CCHCR1: variants seen among roughly 807,000 people sequenced by gnomAD.
The protein encoded by CCHCR1 is coiled-coil alpha-helical rod protein 1, also known as HCR (a-helix coiled-coil rod homologue).
In CCHCR1, 91 loss-of-function variants were observed where a neutral mutation model predicts 114.6. The observed-to-expected ratio is 0.79, with a 90% CI of 0.67 to 0.94. The LOEUF (loss-of-function observed/expected upper bound fraction) is 0.94. Among genes scored for constraint, CCHCR1 ranks in the 40% least tolerant of loss-of-function variants. CCHCR1 has a pLI of 0.00. For synonymous variants in CCHCR1, 379 were observed against 428.5 expected, an observed-to-expected ratio of 0.88 and a Z score of 1.43; for missense variants, 899 against 1,079.9, an observed-to-expected ratio of 0.83 and a Z score of 2.35.
In CCHCR1 at chr6:31,144,966, G is replaced by A. The variant is rs147152245; in HGVS notation, c.1984C>T (p.Arg662Cys). 89 of 1,610,014 alleles carry A rather than the reference G, an allele frequency of 5.5e-5. No homozygotes were observed. The highest frequency in any genetic ancestry group is 1.1e-4 in the African/African-American group (8 of 75,024). The change falls in exon 14 of 18, where the codon CGC becomes TGC. Residue 662 changes from arginine to cysteine, a missense_variant. Coordinates refer to ENST00000396268, the MANE Select transcript of CCHCR1 (RefSeq NM_001105564.2). This position sits in a 1 kb window ranked among gnomAD's most constrained non-coding sequence, Gnocchi z 4.6. ...ASLGLQLEVA[R>C]QGQQESTEEA... ...TCTGTGCTCTCCTGCTGGCCCTGGCGTGCTACCTCCAGCTGCAGCCCCAAG... is the reference window on the plus strand; with the variant it reads ...TCTGTGCTCTCCTGCTGGCCCTGGCATGCTACCTCCAGCTGCAGCCCCAAG...
chr6:31,143,394 A>C lies in CCHCR1; in HGVS notation c.2187T>G (p.Ile729Met). 1.9e-6 allele frequency: 3 copies of C among 1,612,932 alleles called. No homozygotes were observed. The highest frequency in any genetic ancestry group is 2.5e-6 in the Non-Finnish European group (3 of 1,180,012). ...CCTTTTCCTGGGCGGCTCTGCGCTG[A>C]ATCTGGCGTAAGGAGACCACTACAG... ...HAKAVVSLRQ[I>M]QRRAAQEKER... Residue 729 changes from isoleucine to methionine, a missense_variant, in exon 16 of 18, where the codon ATT (isoleucine) becomes ATG (methionine). By Grantham distance (10) the Ile-to-Met change is conservative. Transcript: ENST00000396268. This position sits in a 1 kb window ranked among gnomAD's most constrained non-coding sequence, Gnocchi z 5.3.
chr6:31,148,363 G>T, intron 10 of CCHCR1, 42 bp downstream of exon 10: 1 of 1,258,606 alleles, frequency 7.9e-7, no homozygotes, highest in Non-Finnish European at 1.1e-6. Flanking sequence ...GGAACCTGAG[G>T]TGGCAGAAAC....
Position 31,150,644 on chromosome 6 carries a change from T to C in CCHCR1, c.1102-79A>G. 6.3e-7 allele frequency: 1 copy of C among 1,592,776 alleles called. No homozygotes were observed. Among genetic ancestry groups the C allele is most frequent in the Middle Eastern group, 1.7e-4 (1 of 5,980 alleles). On this transcript the variant is annotated intron_variant, in intron 6 of 17. Coordinates refer to ENST00000396268, the MANE Select transcript of CCHCR1 (RefSeq NM_001105564.2). This position sits in a 1 kb window ranked among gnomAD's most constrained non-coding sequence, Gnocchi z 5.3. ...CCACCTTCTCTCCCGGAGGCTGTGC[T>C]CTACACGCTCCTCCAAGGGCCACGC... is the stretch of plus-strand genomic sequence containing the variant.
chr6:31,150,558 T>C lies in CCHCR1; in HGVS notation c.1109A>G (p.Gln370Arg), dbSNP rs1775071413. ...GGCATGCAGGCTGTCCCGGTCCTCC[T>C]GCAAGTGCTGCGGGCAGAGGAAAGC... is the stretch of plus-strand genomic sequence containing the variant. ...QKLLETMQHL[Q>R]EDRDSLHATA... The change falls in exon 7 of 18, where the codon CAG (glutamine) becomes CGG (arginine). Residue 370 changes from glutamine (Q) to arginine (R), a missense_variant. Physicochemically the swap from Gln to Arg is conservative, Grantham distance 43. Coordinates refer to ENST00000396268, the MANE Select transcript of CCHCR1 (RefSeq NM_001105564.2). This position sits in a 1 kb window ranked among gnomAD's most constrained non-coding sequence, Gnocchi z 5.3. The C allele has an allele frequency of 6.2e-7, 1 of 1,611,204 alleles. No individual in the cohort carries two copies. The highest frequency in any genetic ancestry group is 8.5e-7 in the Non-Finnish European group (1 of 1,179,452).
chr6:31,145,592 G>T (rs911119953), intron 11 of CCHCR1, 99 bp from the exon 12 acceptor site: 28 of 1,445,498 alleles, frequency 1.9e-5, no homozygotes, highest in Middle Eastern at 3.5e-4. Flanking sequence ...CTGGTGAAAG[G>T]AGGAAGGTGA....
In CCHCR1 at chr6:31,150,095, T is replaced by C; in HGVS notation, c.1333A>G (p.Ser445Gly). Reference sequence around the variant, plus strand: ...CCCTTCAGCTGCTTAACAGAGTCACTGTGTTCCAGCTCCTGGGCCTTTAGC... The same window carrying C: ...CCCTTCAGCTGCTTAACAGAGTCACCGTGTTCCAGCTCCTGGGCCTTTAGC... The part of the protein sequence containing the change: ...VQLKAQELEH[S>G]DSVKQLKGQV... Residue 445 changes from serine to glycine, a missense_variant, in exon 8 of 18, where the codon AGT becomes GGT. Coordinates refer to ENST00000396268, the MANE Select transcript of CCHCR1 (RefSeq NM_001105564.2). The surrounding 1 kb of genome is among the most constrained non-coding windows in gnomAD (Gnocchi z 5.3). 1.2e-6 allele frequency: 2 copies of C among 1,614,196 alleles called. No homozygotes were observed. Among genetic ancestry groups the C allele is most frequent in the South Asian group, 2.2e-5 (2 of 91,086 alleles).
In CCHCR1 at chr6:31,154,697, C is replaced by T; in HGVS notation, c.600G>A (p.Leu200=). ...TCTTCTGCTGCAGCGAGGTCTCCCG[C>T]AGGAGCCGGACCTCCTCCTCCAGCC... is the stretch of plus-strand genomic sequence containing the variant. ...LRRLEEEVRL[L]RETSLQQKMR... Residue 200 remains leucine, a synonymous_variant, in exon 4 of 18, where the codon CTG becomes CTA. Coordinates refer to ENST00000396268, the MANE Select transcript of CCHCR1 (RefSeq NM_001105564.2). This position sits in a 1 kb window ranked among gnomAD's most constrained non-coding sequence, Gnocchi z 4.1. 1 of 1,610,180 alleles carries T rather than the reference C, an allele frequency of 6.2e-7. No individual in the cohort carries two copies. The highest frequency in any genetic ancestry group is 8.5e-7 in the Non-Finnish European group (1 of 1,179,946).
chr6:31,144,599 T>C lies in CCHCR1; in HGVS notation c.2167+88A>G, dbSNP rs938308480. The stretch of plus-strand genomic sequence containing the variant: ...CTTCATTACTTCCTGTAATGAAGCT[T>C]TGAACACACTTTGAGGGGAAAATAA... On this transcript the variant is annotated intron_variant, in intron 15 of 17. Coordinates refer to ENST00000396268, the MANE Select transcript of CCHCR1 (RefSeq NM_001105564.2). This position sits in a 1 kb window ranked among gnomAD's most constrained non-coding sequence, Gnocchi z 4.6. 46 of 834,736 alleles carry C rather than the reference T, an allele frequency of 5.5e-5. 2 individuals carry two copies. Among genetic ancestry groups the C allele is most frequent in the South Asian group, 1.9e-4 (12 of 61,900 alleles). The allele number at this position is 834,736 out of a possible 1,614,324, so 51.7% of individuals were successfully genotyped here. A position where few individuals can be genotyped will look rare whatever the true frequency, so the allele number is the denominator to read the frequency against.
At position 31,156,811 on chromosome 6, in the gene CCHCR1, C is replaced by T; in HGVS notation, c.417G>A (p.Arg139=). ...TCACTTGAGGTCTCTGGGTGTCTAG[C>T]CGCCTCTCTGAGACATCTTGATGGC... ...PPGHQDVSER[R]LDTQRPQVTM... The change falls in exon 3 of 18, where the codon CGG becomes CGA. Residue 139 remains arginine (R), a synonymous_variant. Coordinates refer to ENST00000396268, the MANE Select transcript of CCHCR1 (RefSeq NM_001105564.2). 1 of 1,612,884 alleles carries T rather than the reference C, an allele frequency of 6.2e-7. No individual in the cohort carries two copies. Among genetic ancestry groups the T allele is most frequent in the Non-Finnish European group, 8.5e-7 (1 of 1,179,994 alleles).
chr6:31,142,732 G>C lies in CCHCR1; in HGVS notation c.2492-16C>G, dbSNP rs1176200617. 6.2e-7 allele frequency: 1 copy of C among 1,600,882 alleles called. No homozygotes were observed. The highest frequency in any genetic ancestry group is 8.5e-7 in the Non-Finnish European group (1 of 1,173,218). ...GAGAGGGACCCTGGGAAGGAAGACA[G>C]CAGATGAGCACCAGACAAGGGAAGG... On this transcript the variant is annotated splice_polypyrimidine_tract_variant and intron_variant, in intron 17 of 17. Coordinates refer to ENST00000396268, the MANE Select transcript of CCHCR1 (RefSeq NM_001105564.2).
intron 10 of CCHCR1, 75 bp downstream of exon 10, chr6:31,148,330 G>A (rs1774641844): frequency 3.3e-6 from 3 of 913,670 alleles, no homozygotes; most frequent in South Asian, 1.5e-5. Flanking sequence ...CTTGCCTGAG[G>A]ATCCTCAGCA....
Position 31,144,951 on chromosome 6 carries a change from C to A in CCHCR1, c.1999G>T (p.Glu667Ter). ...AGACTGGCAGCCTCCTCTGTGCTCT[C>A]CTGCTGGCCCTGGCGTGCTACCTCC... ...QLEVARQGQQ[E>*]STEEAASLRQ... is the part of the protein sequence containing the mutation. Residue 667 changes from glutamate (E) to a stop codon, truncating the protein, a stop_gained, in exon 14 of 18, where the codon GAG becomes TAG. Coordinates refer to ENST00000396268, the MANE Select transcript of CCHCR1 (RefSeq NM_001105564.2). LOFTEE classifies it high-confidence loss of function. This position sits in a 1 kb window ranked among gnomAD's most constrained non-coding sequence, Gnocchi z 4.6. 6.2e-7 allele frequency: 1 copy of A among 1,611,576 alleles called. No homozygotes were observed. Among genetic ancestry groups the A allele is most frequent in the Non-Finnish European group, 8.5e-7 (1 of 1,179,968 alleles).
intron 4 of CCHCR1, among the ~76,000 whole-genome samples, chr6:31,153,781 T>C (rs1402339639): frequency 1.3e-5 from 2 of 152,144 alleles, no homozygotes; most frequent in East Asian, 3.9e-4. Context: ...GGTTTCGCCA[T>C]GTTGGCCAGG....
chr6:31,156,675 G>T, intron 3 of CCHCR1, 56 bp downstream of exon 3: 1 of 1,462,180 alleles, frequency 6.8e-7, no homozygotes, highest in Non-Finnish European at 9.4e-7. Flanking sequence ...GTTTATTCCA[G>T]TGAGGAAGGG....
Position 31,145,747 on chromosome 6 carries a change from TG to T in CCHCR1, c.1641del (p.Ser548AlafsTer19). On this transcript the variant is annotated frameshift_variant, in exon 11 of 18. Coordinates refer to ENST00000396268, the MANE Select transcript of CCHCR1 (RefSeq NM_001105564.2). LOFTEE classifies it high-confidence loss of function. ...AKVEGAAAQL[P>X]SLNNRLSYAV... Reference sequence around the variant, plus strand: ...GCATAGCTGAGTCGGTTGTTGAGGCTGGGAAGCTGGGCGGCAGCCCCTTCCA... The same window carrying T: ...GCATAGCTGAGTCGGTTGTTGAGGCTGGAAGCTGGGCGGCAGCCCCTTCCA... 6.2e-7 allele frequency: 1 copy of T among 1,613,358 alleles called. No individual in the cohort carries two copies. The highest frequency in any genetic ancestry group is 8.5e-7 in the Non-Finnish European group (1 of 1,180,008).
rs1036710763 is a variant in CCHCR1 at position 31,156,822 on chromosome 6, A to G, written c.406T>C (p.Ser136Pro). ...CTCTGGGTGTCTAGCCGCCTCTCTG[A>G]GACATCTTGATGGCCTGGGGGTTGG... ...LVQPPGHQDV[S>P]ERRLDTQRPQ... is the part of the protein sequence containing the mutation. Residue 136 changes from serine (S) to proline (P), a missense_variant, in exon 3 of 18, where the codon TCA (serine) becomes CCA (proline). Physicochemically the swap from Ser to Pro is moderately conservative, Grantham distance 74 (BLOSUM62 -1). Coordinates refer to ENST00000396268, the MANE Select transcript of CCHCR1 (RefSeq NM_001105564.2). The G allele has an allele frequency of 6.2e-7, 1 of 1,612,680 alleles. No individual in the cohort carries two copies. Among genetic ancestry groups the G allele is most frequent in the African/African-American group, 1.3e-5 (1 of 74,858 alleles).
upstream of CCHCR1, chr6:31,158,112 G>A (rs1776361359): frequency 6.3e-6 from 1 of 158,264 alleles, no homozygotes; most frequent in South Asian, 1.6e-4. Flanking sequence ...ACCCTCCCAG[G>A]ACCCCCGCTC....
rs773920334 is a variant in CCHCR1, at chr6:31,151,093, C to G, written c.831G>C (p.Glu277Asp). 6.2e-7 allele frequency: 1 copy of G among 1,613,048 alleles called. No homozygotes were observed. The highest frequency in any genetic ancestry group is 1.7e-5 in the Admixed American group (1 of 60,022). The change falls in exon 5 of 18, where the codon GAG (glutamate) becomes GAC (aspartate). Residue 277 changes from glutamate (E) to aspartate (D), a missense_variant. Glu to Asp is a conservative substitution (Grantham distance 45). Transcript: ENST00000396268. This position sits in a 1 kb window ranked among gnomAD's most constrained non-coding sequence, Gnocchi z 4.1. ...CCTTGCTGGTCAAACTGGAAAGAGC[C>G]TCCTCGTGAGCCTGTGTCAAAGAGG... is the stretch of plus-strand genomic sequence containing the variant. Reference protein sequence around the residue: ...QLSSLTQAHEEALSSLTSKAE... With the variant: ...QLSSLTQAHEDALSSLTSKAE...
In CCHCR1 at chr6:31,150,545, G is replaced by A; in HGVS notation, c.1122C>T (p.Asp374=). Residue 374 remains aspartate, a synonymous_variant, in exon 7 of 18, where the codon GAC becomes GAT. Coordinates refer to ENST00000396268, the MANE Select transcript of CCHCR1 (RefSeq NM_001105564.2). This position sits in a 1 kb window ranked among gnomAD's most constrained non-coding sequence, Gnocchi z 5.3. Reference sequence around the variant, plus strand: ...GCAGCTCCGCGGTGGCATGCAGGCTGTCCCGGTCCTCCTGCAAGTGCTGCG... The same window carrying A: ...GCAGCTCCGCGGTGGCATGCAGGCTATCCCGGTCCTCCTGCAAGTGCTGCG... ...ETMQHLQEDR[D]SLHATAELLQ... The A allele has an allele frequency of 6.2e-7, 1 of 1,612,010 alleles. No individual in the cohort carries two copies. Among genetic ancestry groups the A allele is most frequent in the Non-Finnish European group, 8.5e-7 (1 of 1,179,810 alleles).
Sources: gnomAD v4.1 joint callset for allele counts (sites outside exome capture counted in the v4.1 genomes callset) on GRCh38, gnomAD v4.1.1 for gene constraint, Gnocchi (gnomAD v3.1) non-coding constraint, MANE v1.5 for transcripts, NCBI Gene and HGNC (gene_info 2026-07-23, HGNC 2026-07-21) for gene names.